GRK4: variants seen among roughly 807,000 people sequenced by gnomAD.
The protein encoded by GRK4 is G protein-coupled receptor kinase 2-like.
In GRK4, 73 loss-of-function variants were observed where a neutral mutation model predicts 77.9. The observed-to-expected ratio is 0.94, with a 90% CI of 0.78 to 1.14. The LOEUF is 1.14. Among genes scored for constraint, GRK4 ranks in the 50% most tolerant of loss-of-function variants. The pLI, the probability that GRK4 is intolerant of heterozygous loss-of-function variation, is 0.00. For missense variants in GRK4, 729 were observed against 700.2 expected (o/e 1.04, Z -0.46); for synonymous variants, 257 against 254.4 (o/e 1.01, Z -0.10).
chr4:3,037,071 ATGTGTGTGTGTATG>A (rs1336223256), intron 13 of GRK4, among the ~76,000 whole-genome samples: 7 of 75,212 alleles, frequency 9.3e-5, no homozygotes, highest in South Asian at 1.0e-3. Context: ...GTGTGTGTGT[ATGTGTGTGTGTATG>A]TGTGTGTGTG....
Position 2,995,830 on chromosome 4 carries a change from C to T in GRK4, c.339+3538C>T, listed in dbSNP as rs547628389. The stretch of plus-strand genomic sequence containing the variant: ...TGAGCTGATACAATGTTGTTTGACC[C>T]GAATTCTCACTGGTTTAAGAGAGAA... On this transcript the variant is annotated intron_variant, in intron 4 of 15. Coordinates refer to ENST00000398052, the MANE Select transcript of GRK4 (RefSeq NM_182982.3). Among the ~76,000 whole-genome samples, 11 of 152,198 alleles carry T rather than the reference C, an allele frequency of 7.2e-5. No homozygotes were observed. In the South Asian group the frequency reaches 1.0e-3, roughly 14 times the overall value.
intron 14 of GRK4, among the ~76,000 whole-genome samples, chr4:3,037,948 CTT>C (rs1741280064): frequency 6.6e-6 from 1 of 151,014 alleles, no homozygotes; most frequent in African/African-American, 2.4e-5. Context: ...TTGTATAAGA[CTT>C]TTGACCACAG....
intron 4 of GRK4, among the ~76,000 whole-genome samples, chr4:3,001,292 CAT>C (rs890994666): frequency 7.3e-6 from 1 of 136,208 alleles, no homozygotes; most frequent in African/African-American, 2.8e-5. Flanking sequence ...TATACACATA[CAT>C]ATATATGTAT....
intron 15 of GRK4, among the ~76,000 whole-genome samples, chr4:3,039,629 C>T (rs1210131859): frequency 7.3e-6 from 1 of 137,564 alleles, no homozygotes; most frequent in Non-Finnish European, 1.5e-5. Flanking sequence ...ACCTGGGAGG[C>T]GGAGGTTACA....
intron 10 of GRK4, among the ~76,000 whole-genome samples, chr4:3,026,626 A>T (rs1163898780): frequency 6.6e-6 from 1 of 152,212 alleles, no homozygotes; most frequent in Non-Finnish European, 1.5e-5. Flanking sequence ...GTACAAGGGG[A>T]GGAAACTGAG....
At chr4:3,011,674 G>A (rs1732961637) in intron 7 of GRK4, among the ~76,000 whole-genome samples, 1 of 152,180 alleles carries the variant, frequency 6.6e-6, no homozygotes, top group Non-Finnish European at 1.5e-5. Flanking sequence ...GCCCTCATGC[G>A]GGGACAGCCT....
At chr4:2,971,093 C>T (rs896549220) in intron 1 of GRK4, 4 of 152,114 alleles carry the variant, frequency 2.6e-5, no homozygotes, top group African/African-American at 4.8e-5. Flanking sequence ...AGAATTAGGG[C>T]TTTCTTAAGT....
chr4:2,986,581 C>G (rs1025961257), intron 2 of GRK4, among the ~76,000 whole-genome samples: 39 of 151,976 alleles, frequency 2.6e-4, no homozygotes, highest in Admixed American at 7.2e-4. Context: ...GTCTCAATTT[C>G]TTGCCCTTGT....
intron 4 of GRK4, among the ~76,000 whole-genome samples, chr4:3,002,459 C>G (rs1027530528): frequency 1.5e-4 from 23 of 152,016 alleles, no homozygotes; most frequent in African/African-American, 5.3e-4. Context: ...CAAAGATCAG[C>G]TAGGTGCAGC....
Position 3,001,089 on chromosome 4 carries a change from A to ATATATATATGTGTGTGTGTGTGTGTG in GRK4, c.340-3141_340-3140insATATATATGTGTGTGTGTGTGTGTGT. On this transcript the variant is annotated intron_variant, in intron 4 of 15. Transcript: ENST00000398052. ...TAAATGAGACTATATATATATATATATGTGTGTGTGTGTGTGTATATATAT... is the reference window on the plus strand; with the variant it reads ...TAAATGAGACTATATATATATATATATATATATATGTGTGTGTGTGTGTGTGTGTGTGTGTGTGTGTGTATATATAT... Among the ~76,000 whole-genome samples the ATATATATATGTGTGTGTGTGTGTGTG allele has an allele frequency of 1.1e-4, 9 of 82,428 alleles. 1 individual carries two copies. The highest frequency in any genetic ancestry group is 1.7e-4 in the Non-Finnish European group (7 of 40,046). The allele number at this position is 82,428 out of a possible 152,430, so 54.1% of individuals were successfully genotyped here. A position where few individuals can be genotyped will look rare whatever the true frequency, so the allele number is the denominator to read the frequency against.
intron 13 of GRK4, 113 bp downstream of exon 13, chr4:3,035,636 C>G: frequency 2.4e-6 from 3 of 1,253,966 alleles, no homozygotes; most frequent in Non-Finnish European, 3.3e-6. Flanking sequence ...GTTGCCCAGG[C>G]TGGTCTTGCA....
chr4:2,988,324 A>G (rs1725029989), intron 2 of GRK4, among the ~76,000 whole-genome samples: 1 of 152,080 alleles, frequency 6.6e-6, no homozygotes, highest in Non-Finnish European at 1.5e-5. Flanking sequence ...AATGATGTTG[A>G]GCATATTTTC....
intron 3 of GRK4, 86 bp from the exon 4 acceptor site, chr4:2,992,129 T>A: frequency 2.4e-6 from 2 of 835,094 alleles, no homozygotes; most frequent in Non-Finnish European, 4.0e-6. Flanking sequence ...CCTCCCAACC[T>A]CAGCGTCCCA....
intron 4 of GRK4, among the ~76,000 whole-genome samples, chr4:3,003,092 G>A (rs777525226): frequency 3.9e-5 from 6 of 152,088 alleles, no homozygotes; most frequent in Non-Finnish European, 7.4e-5. Context: ...CTCTCCAAGC[G>A]CCTGGCAACC....
At chr4:3,039,132 C>T (rs1310373969) in intron 15 of GRK4, among the ~76,000 whole-genome samples, 4 of 152,182 alleles carry the variant, frequency 2.6e-5, no homozygotes, top group East Asian at 3.9e-4. Flanking sequence ...AGGAGAATCG[C>T]GTGAACCCAG....
chr4:3,001,253 A>G (rs978613373), intron 4 of GRK4, among the ~76,000 whole-genome samples: 1 of 111,176 alleles, frequency 9.0e-6, no homozygotes, highest in Non-Finnish European at 1.8e-5. Context: ...ATATACATAT[A>G]TGTATATATA....
intron 4 of GRK4, among the ~76,000 whole-genome samples, chr4:3,001,974 C>CT (rs764495465): frequency 1.3e-5 from 2 of 152,116 alleles, no homozygotes; most frequent in African/African-American, 4.8e-5. Flanking sequence ...CATGTGTTTC[C>CT]TTTTTCCAGA....
intron 1 of GRK4, among the ~76,000 whole-genome samples, chr4:2,964,908 A>G (rs1717031874): frequency 6.6e-6 from 1 of 152,126 alleles, no homozygotes; most frequent in African/African-American, 2.4e-5. Flanking sequence ...CCAAAGGAAT[A>G]GGCTCCAGAC....
At chr4:2,981,996 G>A (rs1164919450) in intron 1 of GRK4, among the ~76,000 whole-genome samples, 3 of 152,288 alleles carry the variant, frequency 2.0e-5, no homozygotes, top group African/African-American at 7.2e-5. Context: ...TTGTGACAGT[G>A]CCTGGGCTCA....
Sources: allele counts gnomAD v4.1 joint callset (sites outside exome capture counted in the v4.1 genomes callset), GRCh38; gene constraint gnomAD v4.1.1; transcripts MANE v1.5; gene names NCBI Gene and HGNC (gene_info 2026-07-23, HGNC 2026-07-21).